Variants in TAPBPL observed in about 807,000 individuals in gnomAD.
TAPBPL encodes tapasin-related protein.
In TAPBPL, 32 loss-of-function variants were observed where a neutral mutation model predicts 44.8. The ratio of observed to expected loss-of-function variants is 0.71; its 90% CI spans 0.54 to 0.96. The LOEUF (loss-of-function observed/expected upper bound fraction) is 0.96, where lower values mean the gene tolerates loss of function less well. TAPBPL is among the 40% of genes least tolerant of loss of function. The pLI is 0.00. For synonymous variants in TAPBPL, 230 were observed against 240.7 expected (o/e 0.96, Z 0.41); for missense variants, 520 against 586.6 (o/e 0.89, Z 1.17).
At chr12:6,463,072 A>G, downstream of TAPBPL, 1 of 1,535,850 alleles carries the variant, frequency 6.5e-7, no homozygotes, top group South Asian at 1.2e-5. This position sits in a 1 kb window ranked among gnomAD's most constrained non-coding sequence, Gnocchi z 4.0. Flanking sequence ...TCCCACATTA[A>G]TAGCCCATCC....
At position 6,462,096 on chromosome 12, in the gene TAPBPL, C is replaced by A; in HGVS notation, c.1354C>A (p.Gln452Lys). Residue 452 changes from glutamine (Q) to lysine (K), a missense_variant, in exon 7 of 7, where the codon CAG (glutamine) becomes AAG (lysine). Physicochemically the swap from Gln to Lys is moderately conservative, Grantham distance 53 (BLOSUM62 1). Coordinates refer to ENST00000266556, the MANE Select transcript of TAPBPL (RefSeq NM_018009.5). The stretch of plus-strand genomic sequence containing the variant: ...GGAGACCACTTCCTGTGCTGACACA[C>A]AGAGCTCCCATCTCCATGAAGACCG... Reference protein sequence around the residue: ...RWETTSCADTQSSHLHEDRTA... With the variant: ...RWETTSCADTKSSHLHEDRTA... 6.2e-7 allele frequency: 1 copy of A among 1,613,860 alleles called. No individual in the cohort carries two copies. The highest frequency in any genetic ancestry group is 8.5e-7 in the Non-Finnish European group (1 of 1,179,728).
At chr12:6,454,548 G>C (rs1949656696) in intron 3 of TAPBPL, among the ~76,000 whole-genome samples, 1 of 152,186 alleles carries the variant, frequency 6.6e-6, no homozygotes, top group African/African-American at 2.4e-5. Context: ...CAGGCACACA[G>C]ACAACCTGTG....
chr12:6,461,214 A>G lies in TAPBPL; in HGVS notation c.1291+276A>G. 2.1e-5 allele frequency: 27 copies of G among 1,270,668 alleles called. No individual in the cohort carries two copies. In the South Asian group the frequency reaches 3.5e-4, roughly 17 times the overall value. The allele number at this position is 1,270,668 out of a possible 1,614,324, so 78.7% of individuals were successfully genotyped here. A position where few individuals can be genotyped will look rare whatever the true frequency, so the allele number is the denominator to read the frequency against. ...AGAAGGACTCTAAGTCAAGTCACAG[A>G]GCTAAAAATACATGAAGGTGGCACC... On this transcript the variant is annotated intron_variant, in intron 6 of 6. Coordinates refer to ENST00000266556, the MANE Select transcript of TAPBPL (RefSeq NM_018009.5).
chr12:6,462,506 G>T, downstream of TAPBPL: 1 of 499,070 alleles, frequency 2.0e-6, no homozygotes, highest in Non-Finnish European at 3.6e-6. Flanking sequence ...TCATGCACAT[G>T]GGTGGTGGGA....
Position 6,453,708 on chromosome 12 carries a change from G to T in TAPBPL, c.557G>T (p.Arg186Leu). The stretch of plus-strand genomic sequence containing the variant: ...CCACTGAGCCCCCAGGGGACTGTGC[G>T]AACTGCAGGTAAGAAAATGAAAAGC... ...NLPLSPQGTVRTAVEFQVMTQ... is the reference protein window; with the variant it reads ...NLPLSPQGTVLTAVEFQVMTQ... Residue 186 changes from arginine to leucine, a missense_variant, in exon 3 of 7, where the codon CGA (arginine) becomes CTA (leucine). By Grantham distance (102) the Arg-to-Leu change is moderately radical. Coordinates refer to ENST00000266556, the MANE Select transcript of TAPBPL (RefSeq NM_018009.5). The surrounding 1 kb of genome is among the most constrained non-coding windows in gnomAD (Gnocchi z 4.8). 1 of 1,594,274 alleles carries T rather than the reference G, an allele frequency of 6.3e-7. No homozygotes were observed. Among genetic ancestry groups the T allele is most frequent in the East Asian group, 2.2e-5 (1 of 44,598 alleles).
chr12:6,459,076 CTGCTCCTGACTA>C, intron 5 of TAPBPL, 129 bp downstream of exon 5: 3 of 1,059,370 alleles, frequency 2.8e-6, no homozygotes, highest in Non-Finnish European at 4.0e-6. Flanking sequence ...GCTCCTGCCT[CTGCTCCTGACTA>C]TTTTCCCAAG....
chr12:6,460,145 C>A (rs1949811592), intron 5 of TAPBPL, among the ~76,000 whole-genome samples: 1 of 152,182 alleles, frequency 6.6e-6, no homozygotes, highest in Non-Finnish European at 1.5e-5. Flanking sequence ...GAGCACTGGG[C>A]ATTATTTGGT....
downstream of TAPBPL, chr12:6,466,434 G>T: frequency 6.7e-7 from 1 of 1,482,094 alleles, no homozygotes. Context: ...TGTAGTCCCA[G>T]CTACTCAAGA....
At chr12:6,452,756 T>G in intron 1 of TAPBPL, 2 of 601,186 alleles carry the variant, frequency 3.3e-6, no homozygotes, top group South Asian at 4.6e-5. Flanking sequence ...GGCACTTGCT[T>G]GTTTTCTGAG....
chr12:6,466,571 A>T (rs995460961), downstream of TAPBPL: 6 of 436,076 alleles, frequency 1.4e-5, no homozygotes, highest in Non-Finnish European at 2.5e-5. Context: ...CAAACCACTT[A>T]AACAATTATG....
chr12:6,468,283 T>C (rs137873125), downstream of TAPBPL, among the ~76,000 whole-genome samples: 577 of 152,332 alleles, frequency 3.8e-3, 5 homozygotes, highest in African/African-American at 0.013. Context: ...TTCAAGTTAT[T>C]GGTTATGGTT....
downstream of TAPBPL, among the ~76,000 whole-genome samples, chr12:6,470,067 G>A (rs1327487766): frequency 6.6e-6 from 1 of 152,102 alleles, no homozygotes; most frequent in Non-Finnish European, 1.5e-5. Flanking sequence ...TTGGGTGAGG[G>A]GTAAACAAAT....
chr12:6,455,385 G>A (rs1420129843), intron 3 of TAPBPL, among the ~76,000 whole-genome samples: 1 of 152,194 alleles, frequency 6.6e-6, no homozygotes, highest in Non-Finnish European at 1.5e-5. Flanking sequence ...CCAAAGTGGG[G>A]AAGTAGTCTA....
downstream of TAPBPL, chr12:6,466,137 T>C: frequency 6.2e-7 from 1 of 1,611,528 alleles, no homozygotes; most frequent in Admixed American, 1.7e-5. Context: ...ACTATTCTCC[T>C]ACGAAAAAAG....
intron 3 of TAPBPL, among the ~76,000 whole-genome samples, chr12:6,454,781 C>T (rs1223808571): frequency 6.6e-6 from 1 of 152,132 alleles, no homozygotes. Flanking sequence ...TTGCCCTCTC[C>T]AGCTCAGCAC....
At chr12:6,470,614 G>C (rs559772270), downstream of TAPBPL, 10 of 1,580,446 alleles carry the variant, frequency 6.3e-6, no homozygotes, top group African/African-American at 6.7e-5. Flanking sequence ...GGCTGAAGTG[G>C]ACGGAACTGC....
At chr12:6,458,194 G>A (rs548708423) in intron 4 of TAPBPL, among the ~76,000 whole-genome samples, 3 of 152,244 alleles carry the variant, frequency 2.0e-5, no homozygotes, top group African/African-American at 7.2e-5. Context: ...TGGCCAATAC[G>A]GTGAAACTCC....
chr12:6,464,302 T>C (rs1012989910), downstream of TAPBPL: 1 of 1,543,232 alleles, frequency 6.5e-7, no homozygotes, highest in African/African-American at 1.4e-5. Flanking sequence ...ATTTCTAGTG[T>C]TGAGGGACAG....
chr12:6,457,546 C>T lies in TAPBPL; in HGVS notation c.706C>T (p.Gln236Ter). 1 of 1,614,212 alleles carries T rather than the reference C, an allele frequency of 6.2e-7. No individual in the cohort carries two copies. The highest frequency in any genetic ancestry group is 8.5e-7 in the Non-Finnish European group (1 of 1,180,044). Residue 236 changes from glutamine to a stop codon, truncating the protein, a stop_gained, in exon 4 of 7, where the codon CAG becomes TAG. Transcript: ENST00000266556. LOFTEE classifies it high-confidence loss of function. ...EWRLQHKGRGQLVYSWTAGQG... is the reference protein window; with the variant it reads ...EWRLQHKGRG Reference sequence around the variant, plus strand: ...GCGACTGCAGCACAAGGGCAGGGGTCAGTTGGTGTACAGCTGGACCGCAGG... The same window carrying T: ...GCGACTGCAGCACAAGGGCAGGGGTTAGTTGGTGTACAGCTGGACCGCAGG...
Sources: allele counts gnomAD v4.1 joint callset (sites outside exome capture counted in the v4.1 genomes callset), GRCh38; gene constraint gnomAD v4.1.1; non-coding constraint Gnocchi (gnomAD v3.1); transcripts MANE v1.5; gene names NCBI Gene and HGNC (gene_info 2026-07-23, HGNC 2026-07-21).